Variants in SLCO3A1 observed in about 807,000 individuals in gnomAD.
The protein encoded by SLCO3A1 is solute carrier organic anion transporter family member 3A1.
SLCO3A1 carries 27 observed loss-of-function variants against 63.1 expected under a neutral mutation model. The ratio of observed to expected loss-of-function variants is 0.43; its 90% CI spans 0.32 to 0.59. The LOEUF is 0.59. Ranked by LOEUF, SLCO3A1 falls within the 20% of genes least tolerant of loss-of-function variation. The pLI, the probability that SLCO3A1 is intolerant of heterozygous loss-of-function variation, is 0.09. For missense variants in SLCO3A1, 773 were observed against 945.8 expected (o/e 0.82, Z 2.40); for synonymous variants, 473 against 409.9 (o/e 1.15, Z -1.86).
intron 9 of SLCO3A1, among the ~76,000 whole-genome samples, chr15:92,158,339 A>G (rs2048396939): frequency 2.0e-5 from 3 of 152,184 alleles, no homozygotes; most frequent in African/African-American, 7.2e-5. Context: ...TAAGAGCTCT[A>G]AAGTCTTCTC....
chr15:91,974,130 T>C (rs1282876183), intron 2 of SLCO3A1, among the ~76,000 whole-genome samples: 1 of 151,982 alleles, frequency 6.6e-6, no homozygotes, highest in Non-Finnish European at 1.5e-5. Flanking sequence ...ACTCACGGGA[T>C]GTGGGACATC....
chr15:91,962,997 G>T (rs1471471126), intron 2 of SLCO3A1, among the ~76,000 whole-genome samples: 2 of 152,200 alleles, frequency 1.3e-5, no homozygotes, highest in Non-Finnish European at 2.9e-5. Flanking sequence ...CTGTAACTAA[G>T]ATCTGATTCC....
At chr15:91,953,424 C>T (rs1018984521) in intron 2 of SLCO3A1, among the ~76,000 whole-genome samples, 2 of 151,930 alleles carry the variant, frequency 1.3e-5, no homozygotes, top group East Asian at 3.9e-4. Flanking sequence ...GTGGTGAATG[C>T]GGTGGGGGGA....
chr15:91,895,035 G>A (rs117756280), intron 1 of SLCO3A1, among the ~76,000 whole-genome samples: 9,473 of 152,218 alleles, frequency 0.062, 391 homozygotes, highest in Non-Finnish European at 0.093. Flanking sequence ...TTGTCCTTTA[G>A]GAACAGAGTT....
At chr15:92,121,565 T>A (rs946352975) in intron 5 of SLCO3A1, among the ~76,000 whole-genome samples, 2 of 152,034 alleles carry the variant, frequency 1.3e-5, no homozygotes, top group Non-Finnish European at 2.9e-5. Context: ...AGCCGAGGGG[T>A]CAAGAAGGGT....
chr15:92,044,025 C>A lies in SLCO3A1; in HGVS notation c.647-50856C>A, dbSNP rs146798630. ...GAACTTTTCTCTAGACCCAGCTACT[C>A]CTTCCAGCTTCAGCCTGGTTCTCTC... On this transcript the variant is annotated intron_variant, in intron 2 of 9. Transcript: ENST00000318445. 4.3e-4 allele frequency among the ~76,000 whole-genome samples: 66 copies of A among 152,314 alleles called. No homozygotes were observed. The East Asian group carries it at 0.013, about 29-fold the overall frequency.
chr15:92,104,209 A>T, intron 3 of SLCO3A1, 70 bp from the exon 4 acceptor site: 1 of 1,555,824 alleles, frequency 6.4e-7, no homozygotes, highest in Admixed American at 1.7e-5. Context: ...CAGCGGATTC[A>T]GATTCTCAGC....
rs1055962247 is a variant in SLCO3A1 at position 91,866,993 on chromosome 15, G to A, written c.180+12905G>A. The stretch of plus-strand genomic sequence containing the variant: ...AAGTGGAACCGTTGGTGAGAGGCTG[G>A]CTGCGGAGAGTCATTGGAGGCAGCA... On this transcript the variant is annotated intron_variant, in intron 1 of 9. Coordinates refer to ENST00000318445, the MANE Select transcript of SLCO3A1 (RefSeq NM_013272.4). Among the ~76,000 whole-genome samples, 12 of 152,306 alleles carry A rather than the reference G, an allele frequency of 7.9e-5. No individual in the cohort carries two copies. In the East Asian group the frequency reaches 1.7e-3, roughly 22 times the overall value.
intron 2 of SLCO3A1, among the ~76,000 whole-genome samples, chr15:91,927,932 CATTTGT>C (rs1899088795): frequency 1.3e-5 from 2 of 152,190 alleles, no homozygotes; most frequent in Admixed American, 1.3e-4. Context: ...TCAGGCTGTA[CATTTGT>C]ATCATGGGGC....
At chr15:92,012,309 G>T (rs1026731781) in intron 2 of SLCO3A1, among the ~76,000 whole-genome samples, 3 of 152,218 alleles carry the variant, frequency 2.0e-5, no homozygotes. Flanking sequence ...ATAAGAGCAG[G>T]AAAGGGCTCA....
chr15:91,889,237 T>C, intron 1 of SLCO3A1: 2 of 1,122,416 alleles, frequency 1.8e-6, no homozygotes, highest in Non-Finnish European at 2.4e-6. Flanking sequence ...AGGAAAGGAC[T>C]GTGGGTGGTC....
intron 2 of SLCO3A1, among the ~76,000 whole-genome samples, chr15:91,974,265 G>GTTGTTGTTATTATTATTATTA (rs147991710): frequency 2.1e-5 from 3 of 142,958 alleles, no homozygotes; most frequent in African/African-American, 7.7e-5. Flanking sequence ...TTTCATTATT[G>GTTGTTGTTATTATTATTATTA]TTATTATTAT....
At chr15:91,962,794 A>C (rs995099777) in intron 2 of SLCO3A1, among the ~76,000 whole-genome samples, 1 of 152,064 alleles carries the variant, frequency 6.6e-6, no homozygotes, top group African/African-American at 2.4e-5. Flanking sequence ...TTCACAACCC[A>C]ATAACGAGAT....
At chr15:91,998,571 A>G (rs555687634) in intron 2 of SLCO3A1, among the ~76,000 whole-genome samples, 6 of 152,352 alleles carry the variant, frequency 3.9e-5, no homozygotes, top group Middle Eastern at 3.4e-3. Flanking sequence ...AGAAAAATGC[A>G]AATCAGAACC....
Position 91,967,259 on chromosome 15 carries a change from A to T in SLCO3A1, c.646+50801A>T, listed in dbSNP as rs558783097. ...ATTCATTTAAAATATTAAAATGACA[A>T]TAAGAGAGGTTTTTAGTTATCAGAG... On this transcript the variant is annotated intron_variant, in intron 2 of 9. Transcript: ENST00000318445. The surrounding 1 kb of genome is among the most constrained non-coding windows in gnomAD (Gnocchi z 4.4). Among the ~76,000 whole-genome samples the T allele has an allele frequency of 1.3e-5, 2 of 152,344 alleles. No individual in the cohort carries two copies. Among genetic ancestry groups the T allele is most frequent in the African/African-American group, 4.8e-5 (2 of 41,574 alleles).
chr15:91,869,353 T>C (rs1897239692), intron 1 of SLCO3A1, among the ~76,000 whole-genome samples: 4 of 151,992 alleles, frequency 2.6e-5, no homozygotes, highest in African/African-American at 9.7e-5. Flanking sequence ...CTGGCCAACA[T>C]GGTGAAACCC....
chr15:92,135,125 G>A (rs2048040937), intron 7 of SLCO3A1, among the ~76,000 whole-genome samples: 1 of 152,190 alleles, frequency 6.6e-6, no homozygotes, highest in African/African-American at 2.4e-5. Context: ...TGACAATTTG[G>A]ACCTCATGAT....
At chr15:91,902,289 T>A (rs1898179506) in intron 1 of SLCO3A1, among the ~76,000 whole-genome samples, 1 of 152,136 alleles carries the variant, frequency 6.6e-6, no homozygotes, top group Non-Finnish European at 1.5e-5. Context: ...CTCAAACTCC[T>A]AGGCTCAAGT....
chr15:92,094,055 A>C (rs1567116079), intron 2 of SLCO3A1, among the ~76,000 whole-genome samples: 3 of 152,206 alleles, frequency 2.0e-5, no homozygotes, highest in Non-Finnish European at 2.9e-5. Context: ...TCAGTGCTCA[A>C]GAAATGTCTA....
Sources: gnomAD v4.1 joint callset for allele counts (sites outside exome capture counted in the v4.1 genomes callset) on GRCh38, gnomAD v4.1.1 for gene constraint, Gnocchi (gnomAD v3.1) non-coding constraint, MANE v1.5 for transcripts, NCBI Gene and HGNC (gene_info 2026-07-23, HGNC 2026-07-21) for gene names.